Variants in RCOR1 observed in about 807,000 individuals in gnomAD.
RCOR1 encodes REST corepressor 1.
In RCOR1, 12 loss-of-function variants were observed where a neutral mutation model predicts 64.0. That is an observed-to-expected ratio of 0.19 (90% CI 0.12 to 0.30). The LOEUF is 0.30. Ranked by LOEUF, RCOR1 falls within the 10% of genes least tolerant of loss-of-function variation. RCOR1 has a pLI of 1.00. For synonymous variants in RCOR1, 279 were observed against 227.2 expected, an observed-to-expected ratio of 1.23 and a Z score of -2.05; for missense variants, 502 against 621.2, an observed-to-expected ratio of 0.81 and a Z score of 2.04.
chr14:102,722,961 TG>T (rs1896192565), intron 11 of RCOR1, among the ~76,000 whole-genome samples: 1 of 152,202 alleles, frequency 6.6e-6, no homozygotes, highest in Non-Finnish European at 1.5e-5. Flanking sequence ...ACTTCTGTGA[TG>T]GTGGCTAATT....
intron 2 of RCOR1, among the ~76,000 whole-genome samples, chr14:102,633,856 CAG>C (rs1894177596): frequency 6.6e-6 from 1 of 152,106 alleles, no homozygotes; most frequent in Non-Finnish European, 1.5e-5. Flanking sequence ...TTGTTCTTAA[CAG>C]AATATCAAAT....
At chr14:102,703,122 T>G (rs1895782108) in intron 4 of RCOR1, among the ~76,000 whole-genome samples, 1 of 152,080 alleles carries the variant, frequency 6.6e-6, no homozygotes, top group Admixed American at 6.6e-5. Flanking sequence ...TGGAAGAGTC[T>G]CAACAAAGAA....
chr14:102,628,373 C>A (rs992685292), intron 2 of RCOR1, among the ~76,000 whole-genome samples: 1 of 152,156 alleles, frequency 6.6e-6, no homozygotes, highest in African/African-American at 2.4e-5. Context: ...ACCTTTTCTT[C>A]ACTTGACATT....
Position 102,714,570 on chromosome 14 carries a change from A to G in RCOR1, c.1006A>G (p.Thr336Ala), listed in dbSNP as rs1321833964. ...TTCTGCCAATGCCACTGCTGCTACC[A>G]CGGTGCTGAGACAACTAGACATGGA... ...AVSANATAAT[T>A]VLRQLDMELV... The change falls in exon 8 of 12, where the codon ACG becomes GCG. Residue 336 changes from threonine to alanine, a missense_variant. Transcript: ENST00000262241. The G allele has an allele frequency of 6.2e-7, 1 of 1,613,442 alleles. No individual in the cohort carries two copies. The highest frequency in any genetic ancestry group is 8.5e-7 in the Non-Finnish European group (1 of 1,179,478).
chr14:102,656,723 C>T (rs973001893), intron 2 of RCOR1, among the ~76,000 whole-genome samples: 2 of 151,946 alleles, frequency 1.3e-5, no homozygotes, highest in Non-Finnish European at 2.9e-5. Flanking sequence ...CCACCTCAGC[C>T]TCCCAAAGTG....
At chr14:102,706,612 GCCCAGGAGTTTAAGA>G (rs1227648378) in intron 4 of RCOR1, among the ~76,000 whole-genome samples, 1 of 152,020 alleles carries the variant, frequency 6.6e-6, no homozygotes, top group Non-Finnish European at 1.5e-5. Flanking sequence ...GATCACTTGA[GCCCAGGAGTTTAAGA>G]CCAGCCTGGG....
At chr14:102,628,050 G>A (rs1011871432) in intron 2 of RCOR1, among the ~76,000 whole-genome samples, 2 of 152,048 alleles carry the variant, frequency 1.3e-5, no homozygotes, top group Admixed American at 1.3e-4. Flanking sequence ...CTGGAATCCC[G>A]AGATAGCTGA....
intron 2 of RCOR1, among the ~76,000 whole-genome samples, chr14:102,620,526 C>T (rs1380240252): frequency 2.0e-5 from 3 of 152,226 alleles, no homozygotes; most frequent in South Asian, 4.2e-4. Flanking sequence ...GAGATCGTGC[C>T]GTTGTACTTC....
chr14:102,692,319 A>G (rs939413923), intron 3 of RCOR1, among the ~76,000 whole-genome samples: 6 of 152,158 alleles, frequency 3.9e-5, no homozygotes, highest in Non-Finnish European at 8.8e-5. Flanking sequence ...TTCCGTGTTT[A>G]ATTTACTGTC....
chr14:102,642,144 C>T (rs920690477), intron 2 of RCOR1, among the ~76,000 whole-genome samples: 5 of 152,100 alleles, frequency 3.3e-5, no homozygotes, highest in East Asian at 1.9e-4. Flanking sequence ...CTTTACTCCT[C>T]GTGCCCCAGC....
chr14:102,714,023 TTG>T (rs1896013207), intron 7 of RCOR1, among the ~76,000 whole-genome samples: 1 of 152,236 alleles, frequency 6.6e-6, no homozygotes, highest in Admixed American at 6.5e-5. Flanking sequence ...GCCGTAAAAA[TTG>T]TGTTATCCAA....
chr14:102,663,504 G>A (rs1422729484), intron 2 of RCOR1, among the ~76,000 whole-genome samples: 1 of 152,188 alleles, frequency 6.6e-6, no homozygotes, highest in African/African-American at 2.4e-5. Context: ...ACAGTAGTTA[G>A]AAGTTTTCTC....
At chr14:102,662,562 T>C (rs1217333111) in intron 2 of RCOR1, 1 of 475,214 alleles carries the variant, frequency 2.1e-6, no homozygotes, top group East Asian at 5.3e-5. Context: ...CGCAGTGTTT[T>C]GGGCCGCTGG....
chr14:102,656,729 A>G (rs1894732657), intron 2 of RCOR1, among the ~76,000 whole-genome samples: 2 of 151,512 alleles, frequency 1.3e-5, no homozygotes, highest in Non-Finnish European at 2.9e-5. Flanking sequence ...CAGCCTCCCA[A>G]AGTGCTGGGA....
At chr14:102,720,904 C>T (rs1385536985) in intron 8 of RCOR1, 103 bp from the exon 9 acceptor site, 27 of 605,970 alleles carry the variant, frequency 4.5e-5, no homozygotes, top group African/African-American at 1.3e-4. Flanking sequence ...ATGTTAGTAA[C>T]GTCTTTACTC....
intron 2 of RCOR1, among the ~76,000 whole-genome samples, chr14:102,675,710 C>G (rs1421977973): frequency 6.6e-6 from 1 of 152,224 alleles, no homozygotes; most frequent in African/African-American, 2.4e-5. Context: ...ACTGGAGTTT[C>G]ATATACCACC....
At chr14:102,597,527 C>G (rs1595187217) in intron 2 of RCOR1, among the ~76,000 whole-genome samples, 1 of 151,232 alleles carries the variant, frequency 6.6e-6, no homozygotes, top group African/African-American at 2.4e-5. Context: ...TGAGGTTTCA[C>G]CTTGTTGGCC....
intron 2 of RCOR1, among the ~76,000 whole-genome samples, chr14:102,629,701 C>T (rs943137873): frequency 6.6e-6 from 1 of 152,152 alleles, no homozygotes; most frequent in African/African-American, 2.4e-5. Context: ...TCTGAAGGCA[C>T]CTTGCAGCCT....
chr14:102,707,116 AT>A (rs1257059299), intron 4 of RCOR1, among the ~76,000 whole-genome samples: 1 of 152,162 alleles, frequency 6.6e-6, no homozygotes, highest in African/African-American at 2.4e-5. Flanking sequence ...TTATACCTAT[AT>A]TAAAAGACAT....
Sources: gnomAD v4.1 joint callset for allele counts (sites outside exome capture counted in the v4.1 genomes callset) on GRCh38, gnomAD v4.1.1 for gene constraint, MANE v1.5 for transcripts, NCBI Gene and HGNC (gene_info 2026-07-23, HGNC 2026-07-21) for gene names.